SLC5A2: variants seen among roughly 807,000 people sequenced by gnomAD.
SLC5A2 encodes solute carrier family 5 member 2.
SLC5A2 carries 67 observed loss-of-function variants against 69.0 expected under a neutral mutation model. The ratio of observed to expected loss-of-function variants is 0.97; its 90% confidence interval spans 0.80 to 1.19. The LOEUF (loss-of-function observed/expected upper bound fraction) is 1.19, where lower values mean the gene tolerates loss of function less well. SLC5A2 is among the 50% of genes most tolerant of loss of function. SLC5A2 has a pLI of 0.00. For missense variants in SLC5A2, 1,001 were observed against 921.5 expected (o/e 1.09, Z -1.12); for synonymous variants, 455 against 395.8 (o/e 1.15, Z -1.78).
In SLC5A2 at chr16:31,490,181, C is replaced by G. The variant is rs771925284; in HGVS notation, c.1743C>G (p.Ser581=). 1.2e-6 allele frequency: 2 copies of G among 1,614,154 alleles called. No homozygotes were observed. Among genetic ancestry groups the G allele is most frequent in the Non-Finnish European group, 1.7e-6 (2 of 1,180,022 alleles). ...EDLDADEQQG[S]SLPVQNGCPE... ...TGGATGCTGATGAGCAGCAAGGCTC[C>G]TCACTCCCTGTACAGAATGGGTGCC... The change falls in exon 13 of 14, where the codon TCC becomes TCG. Residue 581 remains serine, a synonymous_variant. Coordinates refer to ENST00000330498, the MANE Select transcript of SLC5A2 (RefSeq NM_003041.4).
chr16:31,488,851 C>G (rs1205433634), intron 10 of SLC5A2, 29 bp from the exon 11 acceptor site: 2 of 1,602,802 alleles, frequency 1.2e-6, no homozygotes, highest in East Asian at 2.2e-5. Context: ...GCCCAGGGTC[C>G]GGGTTCGATC....
intron 5 of SLC5A2, 39 bp from the exon 6 acceptor site, chr16:31,487,281 T>C (rs759772572): frequency 1.2e-6 from 2 of 1,603,656 alleles, no homozygotes; most frequent in South Asian, 2.2e-5. Flanking sequence ...GCCTGTAACA[T>C]AAACAGCTGG....
In SLC5A2 at chr16:31,488,116, C is replaced by G. The variant is rs1281717972; in HGVS notation, c.964C>G (p.Leu322Val). ...CTGCATCCTGTGTGGGTACCTGAAG[C>G]TGACGCCCATGTTTCTCATGGTCAT... ...AGCILCGYLKLTPMFLMVMPG... is the reference protein window; with the variant it reads ...AGCILCGYLKVTPMFLMVMPG... Residue 322 changes from leucine to valine, a missense_variant, in exon 8 of 14, where the codon CTG (leucine) becomes GTG (valine). Physicochemically the swap from Leu to Val is conservative, Grantham distance 32 (BLOSUM62 1). Transcript: ENST00000330498. The G allele has an allele frequency of 1.2e-6, 2 of 1,614,120 alleles. No individual in the cohort carries two copies. The highest frequency in any genetic ancestry group is 1.7e-6 in the Non-Finnish European group (2 of 1,179,984).
chr16:31,488,817 G>T (rs774048685), intron 10 of SLC5A2, 45 bp downstream of exon 10: 1 of 1,600,632 alleles, frequency 6.2e-7, no homozygotes, highest in Non-Finnish European at 8.5e-7. Context: ...AGCCCGGGGC[G>T]GGGGCTTGCG....
Position 31,484,901 on chromosome 16 carries a change from C to A in SLC5A2, c.281C>A (p.Ala94Asp), listed in dbSNP as rs2082483885. Residue 94 changes from alanine to aspartate, a missense_variant, in exon 3 of 14, where the codon GCT becomes GAT. Transcript: ENST00000330498. ...LAGTGAASGL[A>D]VAGFEWNALF... ...GGGACTGGCGCTGCAAGTGGCTTGGCTGTTGCTGGATTCGAGTGGAATGTG... is the reference window on the plus strand; with the variant it reads ...GGGACTGGCGCTGCAAGTGGCTTGGATGTTGCTGGATTCGAGTGGAATGTG... 1.2e-6 allele frequency: 2 copies of A among 1,614,154 alleles called. No individual in the cohort carries two copies. The highest frequency in any genetic ancestry group is 1.7e-6 in the Non-Finnish European group (2 of 1,180,030).
rs369904186 is a variant in SLC5A2 at position 31,487,727 on chromosome 16, A to G, written c.853A>G (p.Ile285Val). Residue 285 changes from isoleucine to valine, a missense_variant, in exon 7 of 14, where the codon ATC (isoleucine) becomes GTC (valine). By Grantham distance (29) the Ile-to-Val change is conservative. Coordinates refer to ENST00000330498, the MANE Select transcript of SLC5A2 (RefSeq NM_003041.4). The stretch of plus-strand genomic sequence containing the variant: ...GCCCGCGCTGCTCCTCGGACTCACA[A>G]TCGTCTCGGGCTGGTACTGGTGCAG... The part of the protein sequence containing the change: ...PWPALLLGLT[I>V]VSGWYWCSDQ... The G allele has an allele frequency of 1.0e-4, 164 of 1,611,946 alleles. No individual in the cohort carries two copies. Among genetic ancestry groups the G allele is most frequent in the Middle Eastern group, 1.6e-4 (1 of 6,080 alleles).
In SLC5A2 at chr16:31,485,789, G is replaced by A. The variant is rs1031747869; in HGVS notation, c.364G>A (p.Val122Ile). 3 of 1,613,580 alleles carry A rather than the reference G, an allele frequency of 1.9e-6. No individual in the cohort carries two copies. Among genetic ancestry groups the A allele is most frequent in the East Asian group, 2.2e-5 (1 of 44,900 alleles). ...LFAPVYLTAG[V>I]ITMPQYLRKR... is the part of the protein sequence containing the mutation. ...TGCACCCGTGTACCTGACAGCGGGG[G>A]TCATCACGATGCCACAGTACCTGCG... Residue 122 changes from valine (V) to isoleucine (I), a missense_variant, in exon 4 of 14, where the codon GTC becomes ATC. Transcript: ENST00000330498.
rs777705985 is a variant in SLC5A2, at chr16:31,490,106, C to A, written c.1668C>A (p.Leu556=). The A allele has an allele frequency of 1.3e-5, 21 of 1,613,790 alleles. No homozygotes were observed. Among genetic ancestry groups the A allele is most frequent in the East Asian group, 2.2e-5 (1 of 44,870 alleles). The change falls in exon 13 of 14, where the codon CTC becomes CTA. Residue 556 remains leucine, a splice_region_variant and synonymous_variant. Coordinates refer to ENST00000330498, the MANE Select transcript of SLC5A2 (RefSeq NM_003041.4). The part of the protein sequence containing the change: ...LCTAPIPRKH[L]HRLVFSLRHS... The stretch of plus-strand genomic sequence containing the variant: ...GTTCGTGCTCCCACCCTCCCCAGCT[C>A]CACCGCCTGGTCTTCAGTCTCCGGC...
At position 31,488,997 on chromosome 16, in the gene SLC5A2, C is replaced by T. The variant is rs368816000; in HGVS notation, c.1398C>T (p.Pro466=). 1.2e-6 allele frequency: 2 copies of T among 1,600,726 alleles called. No individual in the cohort carries two copies. The highest frequency in any genetic ancestry group is 1.3e-5 in the African/African-American group (1 of 75,020). Residue 466 remains proline (P), a synonymous_variant, in exon 11 of 14, where the codon CCC becomes CCT. Coordinates refer to ENST00000330498, the MANE Select transcript of SLC5A2 (RefSeq NM_003041.4). ...IQAVSSYLAP[P]VSAVFVLALF... The stretch of plus-strand genomic sequence containing the variant: ...CAGTCTCTAGCTACCTGGCACCGCC[C>T]GTGTCCGCCGTCTTCGTGCTGGCGC...
intron 12 of SLC5A2, chr16:31,489,867 A>G: frequency 1.8e-6 from 1 of 554,454 alleles, no homozygotes; most frequent in Non-Finnish European, 3.3e-6. Flanking sequence ...ACCTGAGCTG[A>G]CAAAGCTGGG....
At position 31,490,137 on chromosome 16, in the gene SLC5A2, A is replaced by G. The variant is rs762542751; in HGVS notation, c.1699A>G (p.Lys567Glu). 13 of 1,613,976 alleles carry G rather than the reference A, an allele frequency of 8.1e-6. No homozygotes were observed. The highest frequency in any genetic ancestry group is 2.7e-5 in the African/African-American group (2 of 74,924). The change falls in exon 13 of 14, where the codon AAG becomes GAG. Residue 567 changes from lysine (K) to glutamate (E), a missense_variant. Coordinates refer to ENST00000330498, the MANE Select transcript of SLC5A2 (RefSeq NM_003041.4). Reference sequence around the variant, plus strand: ...CCTGGTCTTCAGTCTCCGGCATAGCAAGGAGGAACGGGAGGACCTGGATGC... The same window carrying G: ...CCTGGTCTTCAGTCTCCGGCATAGCGAGGAGGAACGGGAGGACCTGGATGC... The part of the protein sequence containing the change: ...HRLVFSLRHS[K>E]EEREDLDADE...
rs1025246232 is a variant in SLC5A2, at chr16:31,489,066, G to T, written c.1449+18G>T. ...ATGAGCAGGTGAGCGGCACGCGCGT[G>T]GTGACGGCAGGGCTGGGCTTGCACA... On this transcript the variant is annotated intron_variant, in intron 11 of 13. Coordinates refer to ENST00000330498, the MANE Select transcript of SLC5A2 (RefSeq NM_003041.4). The T allele has an allele frequency of 1.2e-6, 2 of 1,602,218 alleles. No homozygotes were observed.
intron 4 of SLC5A2, 91 bp from the exon 5 acceptor site, chr16:31,486,079 A>G: frequency 2.4e-6 from 3 of 1,236,448 alleles, no homozygotes; most frequent in African/African-American, 1.5e-5. Flanking sequence ...AAATGGAGGG[A>G]AGCTTTGAGG....
chr16:31,490,496 G>A lies in SLC5A2; in HGVS notation c.1980G>A (p.Met660Ile), dbSNP rs1354827186. Residue 660 changes from methionine (M) to isoleucine (I), a missense_variant, in exon 14 of 14, where the codon ATG becomes ATA. By Grantham distance (10) the Met-to-Ile change is conservative (BLOSUM62 1). Coordinates refer to ENST00000330498, the MANE Select transcript of SLC5A2 (RefSeq NM_003041.4). The stretch of plus-strand genomic sequence containing the variant: ...TGGTCAACCTCAATGCCCTGCTCAT[G>A]ATGGCAGTGGCCGTGTTCCTCTGGG... Reference protein sequence around the residue: ...ARVVNLNALLMMAVAVFLWGF... With the variant: ...ARVVNLNALLIMAVAVFLWGF... The A allele has an allele frequency of 6.2e-7, 1 of 1,613,688 alleles. No homozygotes were observed. Among genetic ancestry groups the A allele is most frequent in the African/African-American group, 1.3e-5 (1 of 74,940 alleles).
chr16:31,485,001 A>C, intron 3 of SLC5A2, 78 bp downstream of exon 3: 1 of 1,319,622 alleles, frequency 7.6e-7, no homozygotes, highest in Non-Finnish European at 1.1e-6. Flanking sequence ...AAACTCCAGG[A>C]AAGGGGGAAT....
chr16:31,490,241 A>G lies in SLC5A2; in HGVS notation c.1792+11A>G. The G allele has an allele frequency of 1.9e-6, 3 of 1,614,138 alleles. No homozygotes were observed. Among genetic ancestry groups the G allele is most frequent in the Non-Finnish European group, 2.5e-6 (3 of 1,179,998 alleles). ...CCATGGAGATGAATGGTAGGGCACC[A>G]TGCTGGGAGGTGGGGCTGGAGGAGC... On this transcript the variant is annotated intron_variant, in intron 13 of 13. Coordinates refer to ENST00000330498, the MANE Select transcript of SLC5A2 (RefSeq NM_003041.4).
intron 6 of SLC5A2, 41 bp downstream of exon 6, chr16:31,487,441 T>G (rs1346472905): frequency 1.9e-6 from 3 of 1,611,114 alleles, no homozygotes; most frequent in East Asian, 4.5e-5. Flanking sequence ...GAGGGCATGG[T>G]CGCGGAGCTC....
rs1451134374 is a variant in SLC5A2 at position 31,489,007 on chromosome 16, G to A, written c.1408G>A (p.Val470Ile). The A allele has an allele frequency of 5.6e-6, 9 of 1,600,730 alleles. No individual in the cohort carries two copies. The East Asian group carries it at 1.3e-4, about 24-fold the overall frequency. The change falls in exon 11 of 14, where the codon GTC becomes ATC. Residue 470 changes from valine to isoleucine, a missense_variant. Physicochemically the swap from Val to Ile is conservative, Grantham distance 29. Coordinates refer to ENST00000330498, the MANE Select transcript of SLC5A2 (RefSeq NM_003041.4). ...CTACCTGGCACCGCCCGTGTCCGCC[G>A]TCTTCGTGCTGGCGCTCTTCGTGCC... The part of the protein sequence containing the change: ...SSYLAPPVSA[V>I]FVLALFVPRV...
intron 1 of SLC5A2, among the ~76,000 whole-genome samples, chr16:31,484,070 C>T (rs2082475551): frequency 6.6e-6 from 1 of 151,978 alleles, no homozygotes; most frequent in South Asian, 2.1e-4. Context: ...GCCTAGGAGA[C>T]AGAGCGAGAC....
Sources: allele counts gnomAD v4.1 joint callset (sites outside exome capture counted in the v4.1 genomes callset), GRCh38; gene constraint gnomAD v4.1.1; transcripts MANE v1.5; gene names NCBI Gene and HGNC (gene_info 2026-07-23, HGNC 2026-07-21).